The following ZNF469 variants were observed in gnomAD, a reference collection of about 807,000 sequenced individuals.
ZNF469 encodes zinc finger protein 469.
Under a neutral mutation model 1.0 loss-of-function variants are expected in ZNF469, and 1 was observed. The ratio of observed to expected loss-of-function variants is 1.00; its 90% confidence interval spans 0.35 to 4.73. The LOEUF (loss-of-function observed/expected upper bound fraction) is 4.73. Among genes scored for constraint, ZNF469 ranks in the 30% most tolerant of loss-of-function variants. ZNF469 has a pLI of 0.16. For synonymous variants in ZNF469, 2,703 were observed against 2,363.4 expected, an observed-to-expected ratio of 1.14 and a Z score of -4.17; for missense variants, 6,100 against 5,356.3, an observed-to-expected ratio of 1.14 and a Z score of -4.33.
At chr16:88,301,348 GT>G in the ZNF469 span, among the ~76,000 whole-genome samples, 1 of 152,074 alleles carries the variant, frequency 6.6e-6, no homozygotes, top group Non-Finnish European at 1.5e-5. Context: ...TAGAGACGGG[GT>G]CTCACCATGT....
At chr16:88,371,459 G>A in the ZNF469 span, among the ~76,000 whole-genome samples, 1 of 152,224 alleles carries the variant, frequency 6.6e-6, no homozygotes, top group Non-Finnish European at 1.5e-5. Flanking sequence ...TAACAGGCCA[G>A]GCAGATCTGA....
At chr16:88,420,304 A>T (rs1455842480) in intron 1 of ZNF469, among the ~76,000 whole-genome samples, 2 of 152,092 alleles carry the variant, frequency 1.3e-5, no homozygotes, top group African/African-American at 4.8e-5. Flanking sequence ...CCTACCCCAC[A>T]CCAGGGATGG....
the ZNF469 span, among the ~76,000 whole-genome samples, chr16:88,371,476 C>A: frequency 6.6e-6 from 1 of 152,192 alleles, no homozygotes. Context: ...CTGATCATCC[C>A]CATGTGACAG....
chr16:88,134,825 T>G, the ZNF469 span, among the ~76,000 whole-genome samples: 1 of 152,232 alleles, frequency 6.6e-6, no homozygotes, highest in African/African-American at 2.4e-5. Flanking sequence ...CCAGTGTATA[T>G]TATTTTAAAA....
chr16:88,142,226 G>A, the ZNF469 span, among the ~76,000 whole-genome samples: 17 of 152,292 alleles, frequency 1.1e-4, no homozygotes, highest in South Asian at 8.3e-4. Flanking sequence ...TGCAAGACCC[G>A]GCTGGGCGGG....
Position 88,428,983 on chromosome 16 carries a change from C to T in ZNF469, c.1513C>T (p.Pro505Ser), listed in dbSNP as rs1905915304. Reference sequence around the variant, plus strand: ...CGGAATGGAGATGCTGAGCCGGCTGCCTTTCCCCGCGGGGGGCCCCGAGTG... The same window carrying T: ...CGGAATGGAGATGCTGAGCCGGCTGTCTTTCCCCGCGGGGGGCCCCGAGTG... ...PHGMEMLSRLPFPAGGPEWQG... is the reference protein window; with the variant it reads ...PHGMEMLSRLSFPAGGPEWQG... Residue 505 changes from proline (P) to serine (S), a missense_variant, in exon 3 of 3, where the codon CCT becomes TCT. Transcript: ENST00000565624. The T allele has an allele frequency of 3.2e-6, 5 of 1,549,042 alleles. No individual in the cohort carries two copies. Among genetic ancestry groups the T allele is most frequent in the Non-Finnish European group, 4.4e-6 (5 of 1,146,596 alleles).
chr16:88,438,041 C>T lies in ZNF469; in HGVS notation c.10571C>T (p.Pro3524Leu), dbSNP rs1230098867. The T allele has an allele frequency of 2.8e-5, 43 of 1,550,266 alleles. No homozygotes were observed. The highest frequency in any genetic ancestry group is 3.5e-5 in the Non-Finnish European group (40 of 1,146,960). ...GCTCCCAGCACCACCAAGGGATGGC[C>T]CGAGACCCTAGAGAGGCCTGTAGAC... ...EVAPSTTKGWPETLERPVDPV... is the reference protein window; with the variant it reads ...EVAPSTTKGWLETLERPVDPV... The change falls in exon 3 of 3, where the codon CCC (proline) becomes CTC (leucine). Residue 3524 changes from proline to leucine, a missense_variant. By Grantham distance (98) the Pro-to-Leu change is moderately conservative. Transcript: ENST00000565624.
chr16:88,361,021 C>T, the ZNF469 span, among the ~76,000 whole-genome samples: 36 of 152,328 alleles, frequency 2.4e-4, no homozygotes, highest in South Asian at 6.8e-3. Context: ...TTATACAACT[C>T]ACCATAATGT....
the ZNF469 span, among the ~76,000 whole-genome samples, chr16:88,125,778 G>C: frequency 1.3e-5 from 2 of 152,052 alleles, no homozygotes; most frequent in Non-Finnish European, 1.5e-5. Context: ...TTTTGCAAAT[G>C]GTATTTTTTA....
In ZNF469 at chr16:88,429,220, G is replaced by C. The variant is rs1374471776; in HGVS notation, c.1750G>C (p.Val584Leu). Residue 584 changes from valine (V) to leucine (L), a missense_variant, in exon 3 of 3, where the codon GTG (valine) becomes CTG (leucine). Val to Leu is a conservative substitution (Grantham distance 32, BLOSUM62 1). Transcript: ENST00000565624. ...GTPSLPPPRV[V>L]GASPSESPLP... The stretch of plus-strand genomic sequence containing the variant: ...ACCCAGCCTGCCCCCACCGAGGGTA[G>C]TGGGAGCCTCCCCCAGCGAGTCCCC... The C allele has an allele frequency of 1.3e-6, 2 of 1,549,668 alleles. No homozygotes were observed. The highest frequency in any genetic ancestry group is 2.7e-5 in the African/African-American group (2 of 72,996).
chr16:88,127,663 C>T, the ZNF469 span, among the ~76,000 whole-genome samples: 4 of 152,190 alleles, frequency 2.6e-5, no homozygotes, highest in East Asian at 7.7e-4. Context: ...CTGGGGCTGC[C>T]CTGTCTCACC....
In ZNF469 at chr16:88,430,618, C is replaced by G; in HGVS notation, c.3148C>G (p.Leu1050Val). 6.7e-7 allele frequency: 1 copy of G among 1,502,180 alleles called. No individual in the cohort carries two copies. The allele number at this position is 1,502,180 out of a possible 1,614,324, so 93.1% of individuals were successfully genotyped here. A position where few individuals can be genotyped will look rare whatever the true frequency, so the allele number is the denominator to read the frequency against. The change falls in exon 3 of 3, where the codon CTC (leucine) becomes GTC (valine). Residue 1050 changes from leucine (L) to valine (V), a missense_variant. Coordinates refer to ENST00000565624, the MANE Select transcript of ZNF469 (RefSeq NM_001367624.2). ...KARGGAWGKE[L>V]ILKIVQQKNR... is the part of the protein sequence containing the mutation. ...TCGGGGCGGCGCCTGGGGCAAGGAG[C>G]TCATTCTGAAGATCGTGCAGCAGAA...
At chr16:88,164,379 C>T in the ZNF469 span, among the ~76,000 whole-genome samples, 1 of 149,382 alleles carries the variant, frequency 6.7e-6, no homozygotes, top group African/African-American at 2.5e-5. Flanking sequence ...GATGGGTGGA[C>T]GGATGCAGGA....
chr16:88,157,900 C>G, the ZNF469 span, among the ~76,000 whole-genome samples: 1 of 152,018 alleles, frequency 6.6e-6, no homozygotes. Context: ...GACCAGGGAT[C>G]CTGTGTTGGG....
chr16:88,324,817 C>G, the ZNF469 span, among the ~76,000 whole-genome samples: 1 of 152,132 alleles, frequency 6.6e-6, no homozygotes, highest in Non-Finnish European at 1.5e-5. Context: ...GAGGGGGCAG[C>G]TGGAGGAAGC....
the ZNF469 span, among the ~76,000 whole-genome samples, chr16:88,342,548 T>A: frequency 5.3e-5 from 8 of 152,180 alleles, no homozygotes; most frequent in Non-Finnish European, 1.0e-4. Flanking sequence ...AGGACATCAC[T>A]GCCCCACCTC....
At chr16:88,328,595 G>A in the ZNF469 span, among the ~76,000 whole-genome samples, 1 of 152,220 alleles carries the variant, frequency 6.6e-6, no homozygotes, top group Non-Finnish European at 1.5e-5. Flanking sequence ...CAGGGCCCGG[G>A]TTCTTCTCCA....
chr16:88,430,594 C>G lies in ZNF469; in HGVS notation c.3124C>G (p.Arg1042Gly). Residue 1042 changes from arginine (R) to glycine (G), a missense_variant, in exon 3 of 3, where the codon CGG (arginine) becomes GGG (glycine). By Grantham distance (125) the Arg-to-Gly change is moderately radical (BLOSUM62 -2). Transcript: ENST00000565624. The stretch of plus-strand genomic sequence containing the variant: ...GAAGGACCCCAGGAAGAGGAAGGCT[C>G]GGGGCGGCGCCTGGGGCAAGGAGCT... Reference protein sequence around the residue: ...PRKDPRKRKARGGAWGKELIL... With the variant: ...PRKDPRKRKAGGGAWGKELIL... 6.7e-7 allele frequency: 1 copy of G among 1,502,804 alleles called. No individual in the cohort carries two copies. The highest frequency in any genetic ancestry group is 8.8e-7 in the Non-Finnish European group (1 of 1,132,848). 93.1% of individuals were successfully genotyped at this position (1,502,804 alleles called of 1,614,324 possible). A position where few individuals can be genotyped will look rare whatever the true frequency, so the allele number is the denominator to read the frequency against.
At chr16:88,168,296 G>C in the ZNF469 span, among the ~76,000 whole-genome samples, 1 of 152,204 alleles carries the variant, frequency 6.6e-6, no homozygotes, top group Non-Finnish European at 1.5e-5. The surrounding 1 kb of genome is among the most constrained non-coding windows in gnomAD (Gnocchi z 4.3). Context: ...TTTAGGCTGA[G>C]CAGAGCCAGG....
Sources: allele counts gnomAD v4.1 joint callset (sites outside exome capture counted in the v4.1 genomes callset), GRCh38; gene constraint gnomAD v4.1.1; non-coding constraint Gnocchi (gnomAD v3.1); transcripts MANE v1.5; gene names NCBI Gene and HGNC (gene_info 2026-07-23, HGNC 2026-07-21).